ROBO1: variants seen among roughly 807,000 people sequenced by gnomAD.
ROBO1 encodes the protein roundabout homolog 1.
In ROBO1, 149 loss-of-function variants were observed where a neutral mutation model predicts 195.9. That is an observed-to-expected ratio of 0.76 (90% CI 0.67 to 0.87). The LOEUF is 0.87. Among genes scored for constraint, ROBO1 ranks in the 40% least tolerant of loss-of-function variants. ROBO1 has a pLI of 0.00. For synonymous variants in ROBO1, 816 were observed against 733.2 expected (o/e 1.11, Z -1.82); for missense variants, 1,933 against 2,068.3 (o/e 0.93, Z 1.27).
chr3:79,571,745 A>G (rs952377271), intron 2 of ROBO1, among the ~76,000 whole-genome samples: 2 of 152,106 alleles, frequency 1.3e-5, no homozygotes, highest in African/African-American at 4.8e-5. Flanking sequence ...ATTAACTCAT[A>G]TATCTATGTG....
chr3:78,929,550 T>C (rs2039397786), intron 4 of ROBO1, among the ~76,000 whole-genome samples: 1 of 151,976 alleles, frequency 6.6e-6, no homozygotes, highest in Non-Finnish European at 1.5e-5. Context: ...TTGCCCAGGC[T>C]GGAGCACAGT....
At chr3:78,721,620 A>G (rs992431775) in intron 5 of ROBO1, among the ~76,000 whole-genome samples, 1 of 152,324 alleles carries the variant, frequency 6.6e-6, no homozygotes, top group East Asian at 1.9e-4. Flanking sequence ...TAAGTGTTCA[A>G]TGTTTTTTAT....
chr3:78,680,870 A>T (rs937418265), intron 10 of ROBO1, among the ~76,000 whole-genome samples: 1 of 149,618 alleles, frequency 6.7e-6, no homozygotes, highest in Non-Finnish European at 1.5e-5. Context: ...GCTGCTATAA[A>T]GACACATGCA....
intron 8 of ROBO1, among the ~76,000 whole-genome samples, chr3:78,706,227 T>C (rs1287931282): frequency 6.6e-6 from 1 of 151,868 alleles, no homozygotes; most frequent in Non-Finnish European, 1.5e-5. Context: ...AACTAGCAAG[T>C]AGAAGATGGG....
chr3:79,566,614 C>A (rs1943097907), intron 2 of ROBO1, among the ~76,000 whole-genome samples: 1 of 152,040 alleles, frequency 6.6e-6, no homozygotes, highest in African/African-American at 2.4e-5. Context: ...CATCATCTTA[C>A]CATTGAGCAC....
rs945814721 is a variant in ROBO1 at position 79,557,538 on chromosome 3, A to C, written c.88+32286T>G. Reference sequence around the variant, plus strand: ...CACTTGAGCCCAGGAGTTTGAGGTCAGCCTGGCCAACAAGGCGAAACCCTG... The same window carrying C: ...CACTTGAGCCCAGGAGTTTGAGGTCCGCCTGGCCAACAAGGCGAAACCCTG... On this transcript the variant is annotated intron_variant, in intron 2 of 30. Coordinates refer to ENST00000464233, the MANE Select transcript of ROBO1 (RefSeq NM_002941.4). Among the ~76,000 whole-genome samples, 5 of 151,872 alleles carry C rather than the reference A, an allele frequency of 3.3e-5. No homozygotes were observed. The East Asian group carries it at 9.7e-4, about 30-fold the overall frequency.
chr3:78,679,719 G>A (rs1293832709), intron 10 of ROBO1, among the ~76,000 whole-genome samples: 5 of 152,152 alleles, frequency 3.3e-5, no homozygotes, highest in Admixed American at 1.3e-4. Context: ...ATGCTCATGG[G>A]TAGGAAGAAT....
chr3:79,469,187 T>G (rs1169561151), intron 2 of ROBO1, among the ~76,000 whole-genome samples: 1 of 152,102 alleles, frequency 6.6e-6, no homozygotes, highest in Non-Finnish European at 1.5e-5. Flanking sequence ...TTATAAAGAA[T>G]TTAGAAAGAC....
chr3:78,753,556 T>G (rs181522193), intron 4 of ROBO1, among the ~76,000 whole-genome samples: 1 of 152,204 alleles, frequency 6.6e-6, no homozygotes, highest in Admixed American at 6.5e-5. Flanking sequence ...GGGATACAAG[T>G]GGAGAGTGTG....
intron 2 of ROBO1, among the ~76,000 whole-genome samples, chr3:79,381,355 C>CAAAAAAAAAAAAAA (rs61680946): frequency 2.5e-4 from 15 of 60,700 alleles, no homozygotes; most frequent in Admixed American, 1.2e-3. Flanking sequence ...AACTCCGTCT[C>CAAAAAAAAAAAAAA]AAAAAAAAAA....
At chr3:79,627,847 G>C (rs1456290608) in intron 1 of ROBO1, among the ~76,000 whole-genome samples, 2 of 152,024 alleles carry the variant, frequency 1.3e-5, no homozygotes, top group African/African-American at 4.8e-5. Flanking sequence ...GATAAGAACA[G>C]ACACTTCTCA....
At chr3:79,699,464 A>C (rs898791317) in intron 1 of ROBO1, among the ~76,000 whole-genome samples, 2 of 151,486 alleles carry the variant, frequency 1.3e-5, no homozygotes, top group Non-Finnish European at 3.0e-5. Context: ...TGATAAATTG[A>C]CCCCTATATA....
chr3:79,200,904 ATTTG>A (rs2081750604), intron 2 of ROBO1, among the ~76,000 whole-genome samples: 2 of 151,922 alleles, frequency 1.3e-5, no homozygotes, highest in South Asian at 4.1e-4. Flanking sequence ...ACTTTGACAT[ATTTG>A]TTTTTGTTAA....
At chr3:78,724,381 C>G (rs905654782) in intron 5 of ROBO1, among the ~76,000 whole-genome samples, 2 of 151,690 alleles carry the variant, frequency 1.3e-5, no homozygotes, top group Non-Finnish European at 2.9e-5. Flanking sequence ...CTACTAGTAA[C>G]AATCAACATT....
At chr3:79,508,107 G>A (rs901758852) in intron 2 of ROBO1, 4 of 152,120 alleles carry the variant, frequency 2.6e-5, no homozygotes, top group African/African-American at 9.7e-5. Context: ...CCTGTTGGGG[G>A]GTGGGGAGCT....
chr3:78,603,270 A>C (rs1476059337), intron 29 of ROBO1, among the ~76,000 whole-genome samples: 1 of 152,104 alleles, frequency 6.6e-6, no homozygotes, highest in Non-Finnish European at 1.5e-5. Context: ...CAGTTCCCTC[A>C]ATAGACCTTC....
intron 1 of ROBO1, among the ~76,000 whole-genome samples, chr3:79,621,175 G>A (rs1328149659): frequency 6.6e-6 from 1 of 152,064 alleles, no homozygotes; most frequent in African/African-American, 2.4e-5. Context: ...CTGCTGCAAG[G>A]CTTCAGGGAC....
chr3:79,118,345 T>G (rs1416985082), intron 3 of ROBO1, among the ~76,000 whole-genome samples: 3 of 152,024 alleles, frequency 2.0e-5, no homozygotes, highest in Non-Finnish European at 4.4e-5. Context: ...TCTTACTGAA[T>G]TATCCAAATA....
intron 3 of ROBO1, among the ~76,000 whole-genome samples, chr3:79,055,072 G>A (rs908929199): frequency 2.0e-5 from 3 of 152,026 alleles, no homozygotes; most frequent in Non-Finnish European, 4.4e-5. Context: ...TTCCCCATGG[G>A]GGTCACTGGC....
Sources: allele counts gnomAD v4.1 joint callset (sites outside exome capture counted in the v4.1 genomes callset), GRCh38; gene constraint gnomAD v4.1.1; transcripts MANE v1.5; gene names NCBI Gene and HGNC (gene_info 2026-07-23, HGNC 2026-07-21).